ATF7IP: variants seen among roughly 807,000 people sequenced by gnomAD.
ATF7IP encodes the protein activating transcription factor 7 interacting protein, also known as activating transcription factor 7-interacting protein 1.
A neutral mutation model predicts 106.4 loss-of-function variants in ATF7IP; 23 were observed. That is an observed-to-expected ratio of 0.22 (90% CI 0.16 to 0.31). ATF7IP has a LOEUF of 0.31. ATF7IP is among the 10% of genes least tolerant of loss of function. ATF7IP has a pLI of 1.00. For synonymous variants in ATF7IP, 542 were observed against 539.0 expected, an observed-to-expected ratio of 1.01 and a Z score of -0.08; for missense variants, 1,334 against 1,524.3, an observed-to-expected ratio of 0.88 and a Z score of 2.08.
At chr12:14,370,819 A>G (rs1319999752) in intron 1 of ATF7IP, among the ~76,000 whole-genome samples, 3 of 152,098 alleles carry the variant, frequency 2.0e-5, no homozygotes, top group Non-Finnish European at 2.9e-5. Context: ...ATCAGTATGA[A>G]GTTAGACGTG....
chr12:14,424,416 T>A lies in ATF7IP; in HGVS notation c.501T>A (p.Ser167Arg). 1 of 1,613,870 alleles carries A rather than the reference T, an allele frequency of 6.2e-7. No homozygotes were observed. Residue 167 changes from serine to arginine, a missense_variant, in exon 2 of 15, where the codon AGT becomes AGA. Physicochemically the swap from Ser to Arg is moderately radical, Grantham distance 110. This residue lies in a region of ATF7IP where 438 missense variants were observed against 405.3 expected (regional missense o/e 1.08). Coordinates refer to ENST00000261168, the MANE Select transcript of ATF7IP (RefSeq NM_018179.5). ...GDPTSSEPSS[S>R]DAASGDATSG... Reference sequence around the variant, plus strand: ...CCACCTCTAGCGAGCCCTCCTCTAGTGATGCTGCCTCTGGTGATGCAACCT... The same window carrying A: ...CCACCTCTAGCGAGCCCTCCTCTAGAGATGCTGCCTCTGGTGATGCAACCT...
At chr12:14,476,279 GCAT>G in intron 11 of ATF7IP, 1 of 209,622 alleles carries the variant, frequency 4.8e-6, no homozygotes, top group Non-Finnish European at 9.6e-6. Flanking sequence ...GGGTGTGATG[GCAT>G]GTGTCTGTGG....
intron 2 of ATF7IP, among the ~76,000 whole-genome samples, chr12:14,427,555 G>A (rs1233837715): frequency 6.6e-6 from 1 of 151,898 alleles, no homozygotes; most frequent in Non-Finnish European, 1.5e-5. Flanking sequence ...TAGTAGAGTC[G>A]GGGTTTCATC....
At chr12:14,484,675 G>C (rs1204351925) in intron 13 of ATF7IP, among the ~76,000 whole-genome samples, 1 of 152,150 alleles carries the variant, frequency 6.6e-6, no homozygotes, top group Non-Finnish European at 1.5e-5. Flanking sequence ...GTGATCATAG[G>C]GACCCCTGTG....
intron 8 of ATF7IP, among the ~76,000 whole-genome samples, chr12:14,458,507 C>T (rs1565529586): frequency 6.6e-6 from 1 of 152,134 alleles, no homozygotes; most frequent in Non-Finnish European, 1.5e-5. Flanking sequence ...CACCAAAGAA[C>T]TTTTCTAACT....
chr12:14,431,970 G>A (rs1228406171), intron 2 of ATF7IP, among the ~76,000 whole-genome samples: 1 of 152,136 alleles, frequency 6.6e-6, no homozygotes, highest in Non-Finnish European at 1.5e-5. Context: ...TTAATTCTGT[G>A]AATTCTGAGT....
chr12:14,496,438 G>A (rs1339303498), intron 14 of ATF7IP, 95 bp downstream of exon 14: 2 of 778,116 alleles, frequency 2.6e-6, no homozygotes, highest in South Asian at 1.8e-5. Flanking sequence ...TTATATCCAA[G>A]GGAAGTGTTA....
intron 10 of ATF7IP, among the ~76,000 whole-genome samples, chr12:14,467,235 A>G (rs931916879): frequency 6.6e-6 from 1 of 152,098 alleles, no homozygotes; most frequent in African/African-American, 2.4e-5. Context: ...ACTTCCTTTG[A>G]ATCATTTCAA....
chr12:14,434,182 C>T (rs1942286133), intron 2 of ATF7IP, among the ~76,000 whole-genome samples, 155 bp from the exon 3 acceptor site: 1 of 152,122 alleles, frequency 6.6e-6, no homozygotes, highest in South Asian at 2.1e-4. Flanking sequence ...TCGATCAGTT[C>T]CTGCTCCCCT....
intron 10 of ATF7IP, among the ~76,000 whole-genome samples, chr12:14,467,436 C>T (rs980472894): frequency 6.6e-6 from 1 of 152,134 alleles, no homozygotes; most frequent in South Asian, 2.1e-4. Context: ...AATATCTTAA[C>T]TTCTTAGAAA....
At chr12:14,426,701 C>T (rs544130051) in intron 2 of ATF7IP, among the ~76,000 whole-genome samples, 1 of 150,910 alleles carries the variant, frequency 6.6e-6, no homozygotes, top group South Asian at 2.1e-4. Flanking sequence ...TGGCACTTGT[C>T]TGTAGTCCAG....
At chr12:14,495,927 G>A (rs570206841) in intron 13 of ATF7IP, among the ~76,000 whole-genome samples, 1 of 152,262 alleles carries the variant, frequency 6.6e-6, no homozygotes, top group South Asian at 2.1e-4. Context: ...ACCTCCTGTT[G>A]CTTGTGTCTC....
At chr12:14,413,542 A>C (rs539674351) in intron 1 of ATF7IP, among the ~76,000 whole-genome samples, 1 of 152,334 alleles carries the variant, frequency 6.6e-6, no homozygotes, top group Admixed American at 6.5e-5. Context: ...ACAACTTGGT[A>C]CTGAATTGGG....
At chr12:14,394,756 T>C (rs1353452355) in intron 1 of ATF7IP, 1 of 152,206 alleles carries the variant, frequency 6.6e-6, no homozygotes, top group East Asian at 1.9e-4. Context: ...ATATGTGAAA[T>C]AGTGAGAAGC....
At chr12:14,419,300 T>A (rs1941368725) in intron 1 of ATF7IP, 1 of 152,192 alleles carries the variant, frequency 6.6e-6, no homozygotes, top group Non-Finnish European at 1.5e-5. Flanking sequence ...TCTACAGAGT[T>A]CATGTTCTTA....
At chr12:14,480,480 A>G (rs952419325) in intron 12 of ATF7IP, among the ~76,000 whole-genome samples, 2 of 152,218 alleles carry the variant, frequency 1.3e-5, no homozygotes, top group Admixed American at 6.5e-5. Flanking sequence ...TGGTTCAGCT[A>G]AACAAAATGT....
chr12:14,416,564 C>A (rs938893803), intron 1 of ATF7IP, among the ~76,000 whole-genome samples: 1 of 151,988 alleles, frequency 6.6e-6, no homozygotes, highest in African/African-American at 2.4e-5. Context: ...GCTTTTTGAC[C>A]CAACAATCGT....
rs1273677334 is a variant in ATF7IP at position 14,424,233 on chromosome 12, T to C, written c.318T>C (p.Asp106=). 6.2e-7 allele frequency: 1 copy of C among 1,614,198 alleles called. No individual in the cohort carries two copies. Among genetic ancestry groups the C allele is most frequent in the Admixed American group, 1.7e-5 (1 of 60,028 alleles). ...SVNVKNKQDD[D]LNCEPLSPHN... is the part of the protein sequence containing the mutation. Reference sequence around the variant, plus strand: ...ATGTAAAAAACAAGCAGGATGATGATTTAAATTGTGAACCTTTGTCTCCCC... The same window carrying C: ...ATGTAAAAAACAAGCAGGATGATGACTTAAATTGTGAACCTTTGTCTCCCC... Residue 106 remains aspartate (D), a synonymous_variant, in exon 2 of 15, where the codon GAT becomes GAC. Transcript: ENST00000261168.
At chr12:14,439,889 T>TCCA (rs1565513602) in intron 5 of ATF7IP, among the ~76,000 whole-genome samples, 28 of 141,288 alleles carry the variant, frequency 2.0e-4, no homozygotes, top group African/African-American at 7.3e-4. Context: ...CCATCCATCC[T>TCCA]AAAACAGTTT....
Sources: gnomAD v4.1 joint callset for allele counts (sites outside exome capture counted in the v4.1 genomes callset) on GRCh38, gnomAD v4.1.1 for gene constraint, gnomAD v4.1.1 regional missense constraint, MANE v1.5 for transcripts, NCBI Gene and HGNC (gene_info 2026-07-23, HGNC 2026-07-21) for gene names.